Variants in ANKRD6 observed in about 807,000 individuals in gnomAD.
ANKRD6 encodes the protein ankyrin repeat domain-containing protein 6.
In ANKRD6, 56 loss-of-function variants were observed where a neutral mutation model predicts 82.3. The observed-to-expected ratio is 0.68, with a 90% CI of 0.55 to 0.85. The LOEUF (loss-of-function observed/expected upper bound fraction) is 0.85. Ranked by LOEUF, ANKRD6 falls within the 40% of genes least tolerant of loss-of-function variation. ANKRD6 has a pLI of 0.00. For synonymous variants in ANKRD6, 347 were observed against 352.1 expected (o/e 0.99, Z 0.16); for missense variants, 852 against 907.6 (o/e 0.94, Z 0.79).
Position 89,585,004 on chromosome 6 carries a change from C to T in ANKRD6, c.121-10912C>T, listed in dbSNP as rs529371154. ...TCCTCATCCAATCCTAATTACCTTCCAAAGGGCCCCATCTCCAAATACCAT... is the reference window on the plus strand; with the variant it reads ...TCCTCATCCAATCCTAATTACCTTCTAAAGGGCCCCATCTCCAAATACCAT... On this transcript the variant is annotated intron_variant, in intron 2 of 15. Transcript: ENST00000339746. 2.0e-3 allele frequency among the ~76,000 whole-genome samples: 310 copies of T among 152,226 alleles called. 4 individuals carry two copies. Among genetic ancestry groups the T allele is most frequent in the African/African-American group, 7.1e-3 (295 of 41,536 alleles).
intron 1 of ANKRD6, among the ~76,000 whole-genome samples, chr6:89,494,425 G>A (rs1170859054): frequency 6.6e-6 from 1 of 152,184 alleles, no homozygotes; most frequent in Non-Finnish European, 1.5e-5. Context: ...GGCCTGGCAA[G>A]GATGGGGACT....
chr6:89,560,828 AAAAAAAG>A (rs1199629722), intron 1 of ANKRD6: 1 of 152,330 alleles, frequency 6.6e-6, no homozygotes, highest in Admixed American at 6.5e-5. Flanking sequence ...TTGTCTCCAA[AAAAAAAG>A]AAAAAAGAAA....
At chr6:89,502,892 G>T (rs186081135) in intron 1 of ANKRD6, among the ~76,000 whole-genome samples, 1 of 152,062 alleles carries the variant, frequency 6.6e-6, no homozygotes, top group Admixed American at 6.5e-5. Flanking sequence ...TGGAGGTGGG[G>T]GTTGGCTGGT....
chr6:89,460,906 A>ATTTTT (rs1554213815), intron 1 of ANKRD6, among the ~76,000 whole-genome samples: 1 of 83,912 alleles, frequency 1.2e-5, no homozygotes, highest in Non-Finnish European at 2.3e-5. Context: ...GTGTTTTGGA[A>ATTTTT]TTCTTTTTTT....
At chr6:89,493,184 C>A (rs1411855483) in intron 1 of ANKRD6, among the ~76,000 whole-genome samples, 2 of 152,148 alleles carry the variant, frequency 1.3e-5, no homozygotes, top group Non-Finnish European at 2.9e-5. Context: ...ATATATTCTC[C>A]CAGAGTTCTG....
intron 1 of ANKRD6, among the ~76,000 whole-genome samples, chr6:89,539,213 A>G (rs970096333): frequency 3.0e-4 from 45 of 152,304 alleles, no homozygotes; most frequent in African/African-American, 1.1e-3. Flanking sequence ...ATAAAAATTA[A>G]AAAGTAAATA....
Position 89,441,090 on chromosome 6 carries a change from C to T in ANKRD6, c.-144+7715C>T, listed in dbSNP as rs149940576. Among the ~76,000 whole-genome samples, 11 of 152,258 alleles carry T rather than the reference C, an allele frequency of 7.2e-5. No homozygotes were observed. The East Asian group carries it at 2.1e-3, about 29-fold the overall frequency. On this transcript the variant is annotated intron_variant, in intron 1 of 15. Coordinates refer to ENST00000339746, the MANE Select transcript of ANKRD6 (RefSeq NM_001242809.2). ...TGTTCCTAGTTAGAACCTACTTAATCTCTGTGGCCCACTGTTACTTCACTA... is the reference window on the plus strand; with the variant it reads ...TGTTCCTAGTTAGAACCTACTTAATTTCTGTGGCCCACTGTTACTTCACTA...
At chr6:89,501,969 T>C (rs762824689) in intron 1 of ANKRD6, among the ~76,000 whole-genome samples, 2 of 152,240 alleles carry the variant, frequency 1.3e-5, no homozygotes, top group Non-Finnish European at 2.9e-5. Flanking sequence ...TTCACCTTCA[T>C]TGGTTTCCAG....
chr6:89,443,912 T>C (rs906341949), intron 1 of ANKRD6, among the ~76,000 whole-genome samples: 1 of 152,246 alleles, frequency 6.6e-6, no homozygotes, highest in Non-Finnish European at 1.5e-5. Flanking sequence ...TGTGAGCTTA[T>C]CTACAGAGAC....
intron 1 of ANKRD6, among the ~76,000 whole-genome samples, chr6:89,500,666 CCCA>C (rs1779162412): frequency 6.6e-6 from 1 of 152,086 alleles, no homozygotes; most frequent in African/African-American, 2.4e-5. Flanking sequence ...TCCCTAATCT[CCCA>C]GGAGATTAAA....
chr6:89,540,478 T>C lies in ANKRD6; in HGVS notation c.-143-26356T>C, dbSNP rs565684793. On this transcript the variant is annotated intron_variant, in intron 1 of 15. Coordinates refer to ENST00000339746, the MANE Select transcript of ANKRD6 (RefSeq NM_001242809.2). Reference sequence around the variant, plus strand: ...CCCATCTTTTGTTTGGATTGTTAGATTATTTTCCTATAGAGTTGTTTGAGC... The same window carrying C: ...CCCATCTTTTGTTTGGATTGTTAGACTATTTTCCTATAGAGTTGTTTGAGC... Among the ~76,000 whole-genome samples, 24 of 152,338 alleles carry C rather than the reference T, an allele frequency of 1.6e-4. No homozygotes were observed. The South Asian group carries it at 5.0e-3, about 32-fold the overall frequency.
At chr6:89,583,276 T>C (rs936144606) in intron 2 of ANKRD6, among the ~76,000 whole-genome samples, 11 of 152,200 alleles carry the variant, frequency 7.2e-5, no homozygotes, top group Non-Finnish European at 1.5e-4. Flanking sequence ...CCATGAAATA[T>C]TGATATTCTA....
rs369617722 is a variant in ANKRD6, at chr6:89,603,243, T to C, written c.318+116T>C. 84 of 766,890 alleles carry C rather than the reference T, an allele frequency of 1.1e-4. No individual in the cohort carries two copies. The East Asian group carries it at 1.8e-3, about 16-fold the overall frequency. 47.5% of individuals were successfully genotyped at this position (766,890 alleles called of 1,614,324 possible). ...TCCTCGAGGTATTATAATTCCTGTCTTACCACTTATGATTTAACATGATTA... is the reference window on the plus strand; with the variant it reads ...TCCTCGAGGTATTATAATTCCTGTCCTACCACTTATGATTTAACATGATTA... On this transcript the variant is annotated intron_variant, in intron 4 of 15. Coordinates refer to ENST00000339746, the MANE Select transcript of ANKRD6 (RefSeq NM_001242809.2).
At chr6:89,548,157 A>G (rs907013344) in intron 1 of ANKRD6, among the ~76,000 whole-genome samples, 2 of 152,182 alleles carry the variant, frequency 1.3e-5, no homozygotes, top group Non-Finnish European at 2.9e-5. Flanking sequence ...CATTTACATC[A>G]CCCTAAAAAG....
chr6:89,566,229 A>C (rs971407849), intron 1 of ANKRD6, among the ~76,000 whole-genome samples: 2 of 152,272 alleles, frequency 1.3e-5, no homozygotes, highest in Admixed American at 1.3e-4. Context: ...CACTTGGAAC[A>C]AGGAATTGGC....
intron 1 of ANKRD6, among the ~76,000 whole-genome samples, chr6:89,456,280 T>C (rs1773497775): frequency 6.6e-6 from 1 of 152,074 alleles, no homozygotes; most frequent in Non-Finnish European, 1.5e-5. Context: ...ATTTGGGAGG[T>C]GACAAATATC....
At chr6:89,620,721 T>C (rs1802904984) in intron 9 of ANKRD6, among the ~76,000 whole-genome samples, 1 of 152,192 alleles carries the variant, frequency 6.6e-6, no homozygotes, top group Non-Finnish European at 1.5e-5. Flanking sequence ...CACCTATTTT[T>C]TCTTGGTGAA....
chr6:89,629,918 A>ACTC (rs1806978954), intron 15 of ANKRD6, among the ~76,000 whole-genome samples: 1 of 151,964 alleles, frequency 6.6e-6, no homozygotes, highest in Non-Finnish European at 1.5e-5. Flanking sequence ...TGCTAGGACT[A>ACTC]CTCTTAGGGC....
intron 2 of ANKRD6, among the ~76,000 whole-genome samples, chr6:89,586,904 C>A (rs1417761824): frequency 2.0e-5 from 3 of 152,050 alleles, no homozygotes. Context: ...AAAAGGAATT[C>A]TTGGCCGGGC....
Sources: gnomAD v4.1 joint callset for allele counts (sites outside exome capture counted in the v4.1 genomes callset) on GRCh38, gnomAD v4.1.1 for gene constraint, MANE v1.5 for transcripts, NCBI Gene and HGNC (gene_info 2026-07-23, HGNC 2026-07-21) for gene names.